SDR42E1: variants seen among roughly 807,000 people sequenced by gnomAD.
SDR42E1 encodes the protein short chain dehydrogenase/reductase family 42E, member 1, also known as short-chain dehydrogenase/reductase family 42E member 1.
Under a neutral mutation model 2.6 loss-of-function variants are expected in SDR42E1, and 5 were observed. That is an observed-to-expected ratio of 1.94 (90% CI 1.01 to 4.08). The LOEUF (loss-of-function observed/expected upper bound fraction) is 4.08. Among genes scored for constraint, SDR42E1 ranks in the 30% most tolerant of loss-of-function variants. The pLI, the probability that SDR42E1 is intolerant of heterozygous loss-of-function variation, is 0.00. For synonymous variants in SDR42E1, 231 were observed against 188.3 expected (o/e 1.23, Z -1.86); for missense variants, 596 against 478.6 (o/e 1.25, Z -2.29).
rs185895347 is a variant in SDR42E1 at position 82,006,772 on chromosome 16, C to T, written c.-27+4615G>A. Among the ~76,000 whole-genome samples the T allele has an allele frequency of 1.1e-3, 174 of 152,084 alleles. 2 individuals are homozygous for T. Among genetic ancestry groups the T allele is most frequent in the Admixed American group, 4.5e-3 (68 of 15,278 alleles). On this transcript the variant is annotated intron_variant, in intron 1 of 2. Transcript: ENST00000328945. Reference sequence around the variant, plus strand: ...CTGCACCACTATACTCCAGTCTAGGCGACAGAGGGAGATTCCATCTCAAAA... The same window carrying T: ...CTGCACCACTATACTCCAGTCTAGGTGACAGAGGGAGATTCCATCTCAAAA...
intron 1 of SDR42E1, among the ~76,000 whole-genome samples, chr16:82,010,858 G>A (rs1375318672): frequency 6.6e-6 from 1 of 152,132 alleles, no homozygotes; most frequent in African/African-American, 2.4e-5. Context: ...ACTGAGACCC[G>A]TCTCAGATTT....
chr16:82,006,386 T>G (rs1275441102), intron 1 of SDR42E1, among the ~76,000 whole-genome samples: 1 of 152,246 alleles, frequency 6.6e-6, no homozygotes, highest in Non-Finnish European at 1.5e-5. Context: ...ATGCATGATC[T>G]GAAAATTATC....
chr16:81,992,710 G>C lies in SDR42E1; in HGVS notation c.*6401C>G, dbSNP rs1205467438. On this transcript the variant is annotated 3_prime_UTR_variant, in exon 3 of 3. Transcript: ENST00000328945. The stretch of plus-strand genomic sequence containing the variant: ...ATTACTGCTGATAAATCCCCTGTTG[G>C]TTGAAAGACACTTGCCTGGATCACT... 1 of 152,094 alleles carries C rather than the reference G, an allele frequency of 6.6e-6. No individual in the cohort carries two copies. The highest frequency in any genetic ancestry group is 2.4e-5 in the African/African-American group (1 of 41,418). The allele number at this position is 152,094 out of a possible 1,614,324, so 9.4% of individuals were successfully genotyped here. A position where few individuals can be genotyped will look rare whatever the true frequency, so the allele number is the denominator to read the frequency against.
intron 1 of SDR42E1, among the ~76,000 whole-genome samples, chr16:82,009,327 C>T (rs1340147379): frequency 2.0e-5 from 3 of 152,244 alleles, no homozygotes; most frequent in African/African-American, 7.2e-5. Context: ...CAACAGCTTG[C>T]ACCGTACACC....
At chr16:82,007,199 G>A (rs1237962068) in intron 1 of SDR42E1, among the ~76,000 whole-genome samples, 1 of 152,214 alleles carries the variant, frequency 6.6e-6, no homozygotes, top group Non-Finnish European at 1.5e-5. Context: ...TAAATGGGGT[G>A]AACATTTTGC....
rs1912412719 is a variant in SDR42E1 at position 81,990,974 on chromosome 16, GC to G, written c.*8136del. On this transcript the variant is annotated 3_prime_UTR_variant, in exon 3 of 3. Transcript: ENST00000328945. ...GATTTTTATTAGGTCTGTGCTCCACGCCCAGAATAGTGTAAGACTGCAGGGG... is the reference window on the plus strand; with the variant it reads ...GATTTTTATTAGGTCTGTGCTCCACGCCAGAATAGTGTAAGACTGCAGGGG... The G allele has an allele frequency of 6.6e-6, 1 of 152,144 alleles. No individual in the cohort carries two copies. The allele number at this position is 152,144 out of a possible 1,614,324, so 9.4% of individuals were successfully genotyped here.
At chr16:82,006,885 C>T (rs948743972) in intron 1 of SDR42E1, among the ~76,000 whole-genome samples, 4 of 152,172 alleles carry the variant, frequency 2.6e-5, no homozygotes, top group African/African-American at 4.8e-5. Context: ...CCAGTATACT[C>T]GTAATAGATA....
chr16:82,009,236 CAG>C (rs1913046203), intron 1 of SDR42E1, among the ~76,000 whole-genome samples: 1 of 152,210 alleles, frequency 6.6e-6, no homozygotes, highest in Non-Finnish European at 1.5e-5. Flanking sequence ...AACCACCCCA[CAG>C]CGTCCCCACT....
rs1470280383 is a variant in SDR42E1, at chr16:81,998,571, A to T, written c.*540T>A. Reference sequence around the variant, plus strand: ...GTGTTCACATAGGCATAATGCCCTGATATCATAAAGGGCAAAAGTTAACAC... The same window carrying T: ...GTGTTCACATAGGCATAATGCCCTGTTATCATAAAGGGCAAAAGTTAACAC... On this transcript the variant is annotated 3_prime_UTR_variant, in exon 3 of 3. Coordinates refer to ENST00000328945, the MANE Select transcript of SDR42E1 (RefSeq NM_145168.3). The T allele has an allele frequency of 1.3e-5, 2 of 155,688 alleles. No homozygotes were observed. The highest frequency in any genetic ancestry group is 2.4e-5 in the African/African-American group (1 of 41,456). 9.6% of individuals were successfully genotyped at this position (155,688 alleles called of 1,614,324 possible).
Position 81,997,843 on chromosome 16 carries a change from T to C in SDR42E1, c.*1268A>G, listed in dbSNP as rs11443. 0.28 allele frequency: 43,322 copies of C among 152,180 alleles called. 7,823 individuals are homozygous for C. Among genetic ancestry groups the C allele is most frequent in the Non-Finnish European group, 0.4 (27,065 of 67,980 alleles). The allele number at this position is 152,180 out of a possible 1,614,324, so 9.4% of individuals were successfully genotyped here. A position where few individuals can be genotyped will look rare whatever the true frequency, so the allele number is the denominator to read the frequency against. On this transcript the variant is annotated 3_prime_UTR_variant, in exon 3 of 3. Transcript: ENST00000328945. Reference sequence around the variant, plus strand: ...CACGATATTCACGGTGTTGGTATTATGACATCAAGTTCAGAGCTTTTCTGA... The same window carrying C: ...CACGATATTCACGGTGTTGGTATTACGACATCAAGTTCAGAGCTTTTCTGA...
chr16:81,999,882 A>T lies in SDR42E1; in HGVS notation c.411T>A (p.Asp137Glu). Residue 137 changes from aspartate (D) to glutamate (E), a missense_variant, in exon 3 of 3, where the codon GAT becomes GAA. Asp to Glu is a conservative substitution (Grantham distance 45). Coordinates refer to ENST00000328945, the MANE Select transcript of SDR42E1 (RefSeq NM_145168.3). ...GAAGAGGCAGGTAGGGCAGAGATTC[A>T]TCCCCATTTCTGATAACTTGACCTC... Reference protein sequence around the residue: ...IFGGQVIRNGDESLPYLPLHL... With the variant: ...IFGGQVIRNGEESLPYLPLHL... 1 of 1,614,180 alleles carries T rather than the reference A, an allele frequency of 6.2e-7. No individual in the cohort carries two copies. Among genetic ancestry groups the T allele is most frequent in the Non-Finnish European group, 8.5e-7 (1 of 1,180,036 alleles).
chr16:82,011,390 T>G lies in SDR42E1; in HGVS notation c.-30A>C, dbSNP rs751094635. 1 of 152,438 alleles carries G rather than the reference T, an allele frequency of 6.6e-6. No individual in the cohort carries two copies. The highest frequency in any genetic ancestry group is 1.5e-5 in the Non-Finnish European group (1 of 68,332). 9.4% of individuals were successfully genotyped at this position (152,438 alleles called of 1,614,324 possible). The stretch of plus-strand genomic sequence containing the variant: ...ACCCCAGCCCAGGCCCACTCACAGC[T>G]GCAGGAACAAGGGCGCGGCAGACGG... On this transcript the variant is annotated 5_prime_UTR_variant, in exon 1 of 3. Transcript: ENST00000328945.
rs4995525 is a variant in SDR42E1 at position 81,992,802 on chromosome 16, A to G, written c.*6309T>C. 7.2e-3 allele frequency: 1,100 copies of G among 152,158 alleles called. 18 individuals are homozygous for G. Among genetic ancestry groups the G allele is most frequent in the African/African-American group, 0.025 (1,039 of 41,516 alleles). The allele number at this position is 152,158 out of a possible 1,614,324, so 9.4% of individuals were successfully genotyped here. The stretch of plus-strand genomic sequence containing the variant: ...CGGTCATAATTACTTGAGTTCAATG[A>G]ACTCAAGTAATTATGAACGCAACTT... On this transcript the variant is annotated 3_prime_UTR_variant, in exon 3 of 3. Transcript: ENST00000328945.
chr16:82,006,358 T>C (rs1208476356), intron 1 of SDR42E1, among the ~76,000 whole-genome samples: 3 of 152,226 alleles, frequency 2.0e-5, no homozygotes, highest in Admixed American at 6.5e-5. Context: ...GCTTACGAAA[T>C]GGTGCTGTTC....
Position 82,000,882 on chromosome 16 carries a change from G to T in SDR42E1, c.-24C>A. The T allele has an allele frequency of 5.0e-6, 8 of 1,597,442 alleles. No homozygotes were observed. The highest frequency in any genetic ancestry group is 6.0e-6 in the Non-Finnish European group (7 of 1,166,900). ...ATATGTGGCAGTCAAAAGATAACTG[G>T]ACCTGAAGAAAGAAGTATGCATCAC... On this transcript the variant is annotated splice_region_variant and 5_prime_UTR_variant, in exon 2 of 3. Transcript: ENST00000328945.
chr16:81,992,822 C>T lies in SDR42E1; in HGVS notation c.*6289G>A, dbSNP rs539173482. The T allele has an allele frequency of 6.6e-6, 1 of 152,098 alleles. No homozygotes were observed. The highest frequency in any genetic ancestry group is 6.5e-5 in the Admixed American group (1 of 15,284). 9.4% of individuals were successfully genotyped at this position (152,098 alleles called of 1,614,324 possible). A position where few individuals can be genotyped will look rare whatever the true frequency, so the allele number is the denominator to read the frequency against. On this transcript the variant is annotated 3_prime_UTR_variant, in exon 3 of 3. Coordinates refer to ENST00000328945, the MANE Select transcript of SDR42E1 (RefSeq NM_145168.3). ...CAATGAACTCAAGTAATTATGAACG[C>T]AACTTGAGTTCAATGAGTTCCTGGT...
At chr16:82,004,233 C>T (rs1597179363) in intron 1 of SDR42E1, among the ~76,000 whole-genome samples, 1 of 152,088 alleles carries the variant, frequency 6.6e-6, no homozygotes, top group Non-Finnish European at 1.5e-5. Context: ...TGACAGGGCA[C>T]ATCAGGAAGA....
Position 81,992,930 on chromosome 16 carries a change from T to C in SDR42E1, c.*6181A>G, listed in dbSNP as rs921303928. The C allele has an allele frequency of 6.6e-6, 1 of 152,168 alleles. No individual in the cohort carries two copies. Among genetic ancestry groups the C allele is most frequent in the African/African-American group, 2.4e-5 (1 of 41,446 alleles). The allele number at this position is 152,168 out of a possible 1,614,324, so 9.4% of individuals were successfully genotyped here. A position where few individuals can be genotyped will look rare whatever the true frequency, so the allele number is the denominator to read the frequency against. ...ATACCAGGGACTGGTTGACTCTATT[T>C]CTGGTTTGATTTTCAATAGCAAAAG... On this transcript the variant is annotated 3_prime_UTR_variant, in exon 3 of 3. Transcript: ENST00000328945.
At chr16:82,001,097 C>G (rs1488738823) in intron 1 of SDR42E1, among the ~76,000 whole-genome samples, 1 of 152,212 alleles carries the variant, frequency 6.6e-6, no homozygotes, top group African/African-American at 2.4e-5. Flanking sequence ...AATACCTGCT[C>G]TGCCCACCTG....
Sources: gnomAD v4.1 joint callset for allele counts (sites outside exome capture counted in the v4.1 genomes callset) on GRCh38, gnomAD v4.1.1 for gene constraint, MANE v1.5 for transcripts, NCBI Gene and HGNC (gene_info 2026-07-23, HGNC 2026-07-21) for gene names.